Variants in TENT2 observed in about 807,000 individuals in gnomAD.
TENT2 encodes the protein poly(A) RNA polymerase GLD2.
Under a neutral mutation model 72.2 loss-of-function variants are expected in TENT2, and 44 were observed. The ratio of observed to expected loss-of-function variants is 0.61; its 90% CI spans 0.48 to 0.78. The LOEUF (loss-of-function observed/expected upper bound fraction) is 0.78. Ranked by LOEUF, TENT2 falls within the 30% of genes least tolerant of loss-of-function variation. TENT2 has a pLI of 0.00. For synonymous variants in TENT2, 212 were observed against 192.5 expected, an observed-to-expected ratio of 1.10 and a Z score of -0.84; for missense variants, 541 against 569.6, an observed-to-expected ratio of 0.95 and a Z score of 0.51.
At chr5:79,621,757 C>CAAAAAAAAA (rs397998298) in intron 3 of TENT2, among the ~76,000 whole-genome samples, 1 of 83,286 alleles carries the variant, frequency 1.2e-5, no homozygotes, top group Non-Finnish European at 2.3e-5. Context: ...GACTCTATCT[C>CAAAAAAAAA]AAAAAAAAAA....
At chr5:79,651,935 TA>T (rs1220307966) in intron 10 of TENT2, among the ~76,000 whole-genome samples, 1 of 152,154 alleles carries the variant, frequency 6.6e-6, no homozygotes, top group Non-Finnish European at 1.5e-5. Flanking sequence ...TCCTGTTACT[TA>T]CAGAATTTCA....
At chr5:79,627,146 CTT>C (rs1770955678) in intron 4 of TENT2, among the ~76,000 whole-genome samples, 1 of 138,756 alleles carries the variant, frequency 7.2e-6, no homozygotes, top group Non-Finnish European at 1.5e-5. Context: ...AAAAAAAAAT[CTT>C]TTACTGTTTT....
In TENT2 at chr5:79,686,117, C is replaced by A. The variant is rs2151048037; in HGVS notation, c.*844C>A. On this transcript the variant is annotated 3_prime_UTR_variant, in exon 15 of 15. Transcript: ENST00000453514. ...TCTCTGTGACATGAAGCAACAGAAA[C>A]TGAGATCAAAGTTAAGATTATATCC... 6.6e-6 allele frequency: 1 copy of A among 152,536 alleles called. No homozygotes were observed. Among genetic ancestry groups the A allele is most frequent in the Middle Eastern group, 3.4e-3 (1 of 294 alleles). The allele number at this position is 152,536 out of a possible 1,614,324, so 9.4% of individuals were successfully genotyped here.
intron 13 of TENT2, among the ~76,000 whole-genome samples, chr5:79,680,521 C>A (rs1478550071): frequency 6.6e-6 from 1 of 152,104 alleles, no homozygotes; most frequent in Non-Finnish European, 1.5e-5. Context: ...TTTAACATAG[C>A]CTTTCTAAGC....
intron 11 of TENT2, among the ~76,000 whole-genome samples, chr5:79,659,993 G>T (rs543613299): frequency 7.2e-5 from 11 of 152,056 alleles, no homozygotes; most frequent in South Asian, 2.1e-4. Context: ...AAACCGCGGA[G>T]TTCTTTTAAA....
chr5:79,664,690 G>A (rs554845427), intron 11 of TENT2, among the ~76,000 whole-genome samples: 1 of 151,468 alleles, frequency 6.6e-6, no homozygotes, highest in South Asian at 2.1e-4. Flanking sequence ...CCTGAATTTT[G>A]AAAACGTAGA....
chr5:79,666,655 A>C (rs200432434), intron 11 of TENT2, among the ~76,000 whole-genome samples: 1 of 151,432 alleles, frequency 6.6e-6, no homozygotes, highest in Non-Finnish European at 1.5e-5. Context: ...TTGCTATGAA[A>C]TTAATGTGTT....
At chr5:79,625,535 AT>A (rs1039651595) in intron 4 of TENT2, among the ~76,000 whole-genome samples, 21 of 151,796 alleles carry the variant, frequency 1.4e-4, no homozygotes, top group African/African-American at 4.6e-4. Flanking sequence ...TTTTATTATT[AT>A]TTTTTCCCTG....
intron 3 of TENT2, among the ~76,000 whole-genome samples, chr5:79,620,392 A>T (rs961113358): frequency 6.6e-6 from 1 of 152,068 alleles, no homozygotes; most frequent in African/African-American, 2.4e-5. Context: ...TTTAATTGAG[A>T]TTTTTTAACT....
chr5:79,632,089 G>A (rs1776038256), intron 4 of TENT2, among the ~76,000 whole-genome samples: 3 of 152,118 alleles, frequency 2.0e-5, no homozygotes, highest in Admixed American at 2.0e-4. Context: ...ACTGAATGTA[G>A]GGAATCAAAC....
chr5:79,625,071 G>C (rs1378171146), intron 4 of TENT2, among the ~76,000 whole-genome samples: 3 of 152,102 alleles, frequency 2.0e-5, no homozygotes, highest in Non-Finnish European at 4.4e-5. Context: ...GTTATTGTCT[G>C]CCTTTTTGAT....
rs1479339471 is a variant in TENT2, at chr5:79,640,993, T to C, written c.580+28T>C. 3.2e-6 allele frequency: 5 copies of C among 1,543,900 alleles called. No homozygotes were observed. In the African/African-American group the frequency reaches 4.2e-5, roughly 13 times the overall value. On this transcript the variant is annotated intron_variant, in intron 5 of 14. Transcript: ENST00000453514. Reference sequence around the variant, plus strand: ...ATGTTTCCCTATTTTGCATGTCCTTTAGGTATATGCATTCCTATTTTAAAT... The same window carrying C: ...ATGTTTCCCTATTTTGCATGTCCTTCAGGTATATGCATTCCTATTTTAAAT...
At position 79,670,277 on chromosome 5, in the gene TENT2, C is replaced by G. The variant is rs544228114; in HGVS notation, c.1208+1249C>G. On this transcript the variant is annotated intron_variant, in intron 12 of 14. Transcript: ENST00000453514. ...GCTTTGACACAGAATTCACACTTAA[C>G]TGTCATACTGGAGAAGTATAAAAAG... 6.6e-5 allele frequency among the ~76,000 whole-genome samples: 10 copies of G among 151,410 alleles called. No homozygotes were observed. In the East Asian group the frequency reaches 1.9e-3, roughly 29 times the overall value.
chr5:79,634,496 C>G (rs539739303), intron 4 of TENT2, among the ~76,000 whole-genome samples: 2 of 152,096 alleles, frequency 1.3e-5, no homozygotes, highest in South Asian at 4.2e-4. Flanking sequence ...GTCACCATGA[C>G]TGGCTGATTT....
chr5:79,663,875 A>G (rs962469941), intron 11 of TENT2, among the ~76,000 whole-genome samples: 1 of 152,200 alleles, frequency 6.6e-6, no homozygotes, highest in African/African-American at 2.4e-5. Context: ...GAAGTACAGT[A>G]AAGTGAAGTG....
chr5:79,622,829 T>C (rs1219633846), intron 3 of TENT2, among the ~76,000 whole-genome samples: 1 of 152,228 alleles, frequency 6.6e-6, no homozygotes, highest in African/African-American at 2.4e-5. Context: ...TCTTTCCTGC[T>C]GATGAGTCAG....
At chr5:79,624,837 T>C (rs1768096779) in intron 4 of TENT2, among the ~76,000 whole-genome samples, 1 of 152,220 alleles carries the variant, frequency 6.6e-6, no homozygotes, top group Admixed American at 6.5e-5. Flanking sequence ...TTTCCACTTT[T>C]TGTCTGTTAT....
rs980442530 is a variant in TENT2, at chr5:79,687,620, G to A, written c.*2347G>A. ...CAAGACAAAAAGTCTATACCTGTTC[G>A]GTACAGATGCAACCATTCTGCCTCC... On this transcript the variant is annotated 3_prime_UTR_variant, in exon 15 of 15. Coordinates refer to ENST00000453514, the MANE Select transcript of TENT2 (RefSeq NM_001114394.3). Among the ~76,000 whole-genome samples, 1 of 152,000 alleles carries A rather than the reference G, an allele frequency of 6.6e-6. No individual in the cohort carries two copies. Among genetic ancestry groups the A allele is most frequent in the Non-Finnish European group, 1.5e-5 (1 of 67,984 alleles).
intron 4 of TENT2, among the ~76,000 whole-genome samples, chr5:79,635,456 G>A (rs1028877730): frequency 4.2e-5 from 6 of 141,256 alleles, no homozygotes; most frequent in Admixed American, 2.8e-4. Flanking sequence ...ATATTTTCCA[G>A]TCATTGTAAA....
Sources: gnomAD v4.1 joint callset for allele counts (sites outside exome capture counted in the v4.1 genomes callset) on GRCh38, gnomAD v4.1.1 for gene constraint, MANE v1.5 for transcripts, NCBI Gene and HGNC (gene_info 2026-07-23, HGNC 2026-07-21) for gene names.